The following NAA50 variants were observed in gnomAD, a reference collection of about 807,000 sequenced individuals.
The protein encoded by NAA50 is N-alpha-acetyltransferase 50.
Under a neutral mutation model 20.7 loss-of-function variants are expected in NAA50, and 7 were observed. The observed-to-expected ratio is 0.34, with a 90% CI of 0.19 to 0.63. The LOEUF (loss-of-function observed/expected upper bound fraction) is 0.63, where lower values mean the gene tolerates loss of function less well. Ranked by LOEUF, NAA50 falls within the 30% of genes least tolerant of loss-of-function variation. NAA50 has a pLI of 0.75. For synonymous variants in NAA50, 54 were observed against 70.6 expected, an observed-to-expected ratio of 0.77 and a Z score of 1.18; for missense variants, 111 against 199.1, an observed-to-expected ratio of 0.56 and a Z score of 2.66.
chr3:113,732,544 C>A (rs529521532), intron 1 of NAA50, among the ~76,000 whole-genome samples: 173 of 152,318 alleles, frequency 1.1e-3, no homozygotes, highest in African/African-American at 3.8e-3. Context: ...AGGAATCTTT[C>A]CTTGCCCCTT....
At chr3:113,735,926 G>A (rs1350089173) in intron 1 of NAA50, among the ~76,000 whole-genome samples, 1 of 152,138 alleles carries the variant, frequency 6.6e-6, no homozygotes, top group Non-Finnish European at 1.5e-5. Flanking sequence ...CGAATTCCTG[G>A]TCTCTCACCT....
chr3:113,741,277 T>C (rs990825149), intron 1 of NAA50: 1 of 382,968 alleles, frequency 2.6e-6, no homozygotes, highest in South Asian at 2.3e-5. Context: ...ATGGCAACTG[T>C]GCCACAGACC....
rs1343470323 is a variant in NAA50 at position 113,719,051 on chromosome 3, T to G, written c.*2709A>C. ...AACAGCAATGTTAAAATTGACAAGT[T>G]TAATTCTTAACTGCACCAAGTAAAC... On this transcript the variant is annotated 3_prime_UTR_variant, in exon 5 of 5. Transcript: ENST00000240922. 6.5e-6 allele frequency: 1 copy of G among 152,680 alleles called. No individual in the cohort carries two copies. The highest frequency in any genetic ancestry group is 1.5e-5 in the Non-Finnish European group (1 of 68,038). The allele number at this position is 152,680 out of a possible 1,614,324, so 9.5% of individuals were successfully genotyped here.
At position 113,719,418 on chromosome 3, in the gene NAA50, C is replaced by T. The variant is rs553716747; in HGVS notation, c.*2342G>A. 1.0e-3 allele frequency: 158 copies of T among 152,664 alleles called. 1 individual carries two copies. The highest frequency in any genetic ancestry group is 3.6e-3 in the African/African-American group (151 of 41,532). 9.5% of individuals were successfully genotyped at this position (152,664 alleles called of 1,614,324 possible). A position where few individuals can be genotyped will look rare whatever the true frequency, so the allele number is the denominator to read the frequency against. ...TCCAGTTAACAGAATTGTTCTACTT[C>T]AAAGATAATTATTATCATATATCAA... On this transcript the variant is annotated 3_prime_UTR_variant, in exon 5 of 5. Transcript: ENST00000240922.
At chr3:113,722,740 T>C (rs1708150454) in intron 4 of NAA50, among the ~76,000 whole-genome samples, 166 bp downstream of exon 4, 1 of 152,124 alleles carries the variant, frequency 6.6e-6, no homozygotes, top group Admixed American at 6.6e-5. Flanking sequence ...CTATTATTAA[T>C]AAAACAAAAC....
rs1708498404 is a variant in NAA50, at chr3:113,746,167, G to A, written c.-218C>T. On this transcript the variant is annotated 5_prime_UTR_variant, in exon 1 of 5. Transcript: ENST00000240922. ...CTCCCGCCGCCGCGCTTGTGCCGCC[G>A]CTTCTCCACACGTGCACTCGGGTCT... 5.4e-6 allele frequency: 3 copies of A among 557,206 alleles called. No individual in the cohort carries two copies. The highest frequency in any genetic ancestry group is 3.8e-5 in the Admixed American group (1 of 26,188). The allele number at this position is 557,206 out of a possible 1,614,324, so 34.5% of individuals were successfully genotyped here.
intron 1 of NAA50, among the ~76,000 whole-genome samples, chr3:113,727,737 TGC>T (rs1357961858): frequency 3.3e-5 from 5 of 152,154 alleles, no homozygotes; most frequent in Admixed American, 6.5e-5. Flanking sequence ...TATTTTTCTA[TGC>T]GCGTTATATA....
At chr3:113,729,542 CTTTCT>C (rs199950354) in intron 1 of NAA50, among the ~76,000 whole-genome samples, 60 of 148,714 alleles carry the variant, frequency 4.0e-4, no homozygotes, top group East Asian at 3.9e-4. Context: ...AGTTTTCTTT[CTTTCT>C]TTTTTTTTTT....
chr3:113,735,353 A>G (rs1370488588), intron 1 of NAA50, among the ~76,000 whole-genome samples: 2 of 152,204 alleles, frequency 1.3e-5, no homozygotes, highest in African/African-American at 2.4e-5. Context: ...TTTTGTAATT[A>G]AGCTTGTTAT....
chr3:113,745,728 C>T (rs1708485577), intron 1 of NAA50: 1 of 559,268 alleles, frequency 1.8e-6, no homozygotes, highest in South Asian at 2.4e-5. Flanking sequence ...ACCCTGAAGC[C>T]CCCCGGGTCT....
Position 113,721,726 on chromosome 3 carries a change from C to T in NAA50, c.*34G>A. ...AATGGGCCTCTCTTTTATTTGGCGA[C>T]AAGCAAGTGCAAGAAAGTTCATTTG... is the stretch of plus-strand genomic sequence containing the variant. On this transcript the variant is annotated 3_prime_UTR_variant, in exon 5 of 5. Transcript: ENST00000240922. The T allele has an allele frequency of 6.2e-7, 1 of 1,612,038 alleles. No homozygotes were observed. The highest frequency in any genetic ancestry group is 1.1e-5 in the South Asian group (1 of 90,814).
chr3:113,739,367 C>T (rs1411620740), intron 1 of NAA50: 1 of 152,126 alleles, frequency 6.6e-6, no homozygotes, highest in Non-Finnish European at 1.5e-5. Flanking sequence ...GAATAAATTG[C>T]TACTATCTTT....
intron 1 of NAA50, among the ~76,000 whole-genome samples, chr3:113,733,803 A>G (rs1055584597): frequency 2.8e-5 from 4 of 142,122 alleles, no homozygotes; most frequent in Non-Finnish European, 6.0e-5. Flanking sequence ...CAGTGAGCTG[A>G]GATCACGATG....
In NAA50 at chr3:113,717,656, T is replaced by C. The variant is rs896331409; in HGVS notation, c.*4104A>G. 1 of 152,160 alleles carries C rather than the reference T, an allele frequency of 6.6e-6. No homozygotes were observed. Among genetic ancestry groups the C allele is most frequent in the African/African-American group, 2.4e-5 (1 of 41,428 alleles). The allele number at this position is 152,160 out of a possible 1,614,324, so 9.4% of individuals were successfully genotyped here. ...GGCTTACTGTTCCTATTTGTGACTG[T>C]AGTATCCAATTTCCCAGAAATATTC... On this transcript the variant is annotated 3_prime_UTR_variant, in exon 5 of 5. Transcript: ENST00000240922.
rs77755924 is a variant in NAA50, at chr3:113,735,518, G to A, written c.8+10424C>T. ...AAAAACTATCCTATATGATCACAAC[G>A]GATCATGAATTGTTTGCTTACTTCT... is the stretch of plus-strand genomic sequence containing the variant. On this transcript the variant is annotated intron_variant, in intron 1 of 4. Transcript: ENST00000240922. Among the ~76,000 whole-genome samples, 376 of 152,244 alleles carry A rather than the reference G, an allele frequency of 2.5e-3. 2 individuals are homozygous for A. The highest frequency in any genetic ancestry group is 8.6e-3 in the African/African-American group (357 of 41,534).
chr3:113,735,114 G>A lies in NAA50; in HGVS notation c.8+10828C>T, dbSNP rs572487048. On this transcript the variant is annotated intron_variant, in intron 1 of 4. Transcript: ENST00000240922. ...CTATATGAGACTACCAAGGATGTCT[G>A]TAGTAAGAAGGTCAAAGAAAAGAAT... Among the ~76,000 whole-genome samples the A allele has an allele frequency of 8.5e-5, 13 of 152,296 alleles. No individual in the cohort carries two copies. In the South Asian group the frequency reaches 2.5e-3, roughly 29 times the overall value.
At chr3:113,723,103 T>C in intron 3 of NAA50, 131 bp from the exon 4 acceptor site, 1 of 1,245,818 alleles carries the variant, frequency 8.0e-7, no homozygotes, top group Non-Finnish European at 1.1e-6. Context: ...GATATCCTTA[T>C]TTTCCAAAGT....
intron 1 of NAA50, among the ~76,000 whole-genome samples, chr3:113,737,256 G>C (rs142576779): frequency 1.7e-4 from 26 of 152,330 alleles, no homozygotes; most frequent in Non-Finnish European, 2.4e-4. Context: ...GCATCTTTTA[G>C]TTAGGATCAA....
At chr3:113,735,166 A>T (rs538766199) in intron 1 of NAA50, among the ~76,000 whole-genome samples, 1 of 152,352 alleles carries the variant, frequency 6.6e-6, no homozygotes, top group South Asian at 2.1e-4. Context: ...TTTTAGACGT[A>T]AAAGAACAGG....
Sources: gnomAD v4.1 joint callset for allele counts (sites outside exome capture counted in the v4.1 genomes callset) on GRCh38, gnomAD v4.1.1 for gene constraint, MANE v1.5 for transcripts, NCBI Gene and HGNC (gene_info 2026-07-23, HGNC 2026-07-21) for gene names.